NUBPL: variants seen among roughly 807,000 people sequenced by gnomAD.
NUBPL encodes the protein NUBP iron-sulfur cluster assembly factor, mitochondrial, also known as iron-sulfur cluster transfer protein NUBPL.
Under a neutral mutation model 45.7 loss-of-function variants are expected in NUBPL, and 31 were observed. That is an observed-to-expected ratio of 0.68 (90% CI 0.51 to 0.92). NUBPL has a LOEUF of 0.92. Ranked by LOEUF, NUBPL falls within the 40% of genes least tolerant of loss-of-function variation. The probability of loss-of-function intolerance (pLI) is 0.00; values close to 1 mark genes in which losing one functional copy is unlikely to be tolerated. For synonymous variants in NUBPL, 144 were observed against 140.9 expected (o/e 1.02, Z -0.15); for missense variants, 401 against 398.7 (o/e 1.01, Z -0.05).
chr14:31,857,104 C>G (rs2040634413), intron 10 of NUBPL, among the ~76,000 whole-genome samples: 1 of 152,204 alleles, frequency 6.6e-6, no homozygotes. Flanking sequence ...TTCCATACAT[C>G]TGAAATCTAG....
At chr14:31,790,377 G>T (rs1447593164) in intron 7 of NUBPL, among the ~76,000 whole-genome samples, 2 of 152,156 alleles carry the variant, frequency 1.3e-5, no homozygotes, top group Non-Finnish European at 2.9e-5. Context: ...TGAAGAGTCT[G>T]CCATGTAATA....
chr14:31,654,698 T>C (rs114543044), intron 4 of NUBPL, among the ~76,000 whole-genome samples: 5,259 of 152,242 alleles, frequency 0.035, 291 homozygotes, highest in African/African-American at 0.12. Context: ...TGTGAGCCAC[T>C]GTGCCTGCCC....
intron 6 of NUBPL, among the ~76,000 whole-genome samples, chr14:31,726,113 A>T (rs2037918589): frequency 6.6e-6 from 1 of 152,236 alleles, no homozygotes; most frequent in Non-Finnish European, 1.5e-5. Context: ...ATAAAAATAA[A>T]TATTGCAAGT....
chr14:31,854,573 A>G (rs2040588479), intron 10 of NUBPL, among the ~76,000 whole-genome samples: 1 of 152,214 alleles, frequency 6.6e-6, no homozygotes, highest in African/African-American at 2.4e-5. Flanking sequence ...TGTACCAACA[A>G]TTCACATGCC....
At chr14:31,843,801 A>G (rs1176536835) in intron 8 of NUBPL, 1 of 152,180 alleles carries the variant, frequency 6.6e-6, no homozygotes, top group Non-Finnish European at 1.5e-5. Flanking sequence ...CCCAGAGTAC[A>G]TCAAGTCCTC....
chr14:31,676,958 C>CT (rs2036714233), intron 6 of NUBPL, among the ~76,000 whole-genome samples: 2 of 151,644 alleles, frequency 1.3e-5, no homozygotes, highest in Admixed American at 6.6e-5. Flanking sequence ...TTTGTATCCT[C>CT]TTTAAGAAAT....
At chr14:31,726,489 A>G (rs1175891195) in intron 6 of NUBPL, among the ~76,000 whole-genome samples, 4 of 152,240 alleles carry the variant, frequency 2.6e-5, no homozygotes, top group Non-Finnish European at 5.9e-5. Context: ...ATGTTGCTAT[A>G]TCATTTTTCT....
chr14:31,636,444 C>G (rs1040181006), intron 4 of NUBPL, among the ~76,000 whole-genome samples: 1 of 152,014 alleles, frequency 6.6e-6, no homozygotes, highest in African/African-American at 2.4e-5. Context: ...ATGAAGCCCA[C>G]TTGATCGTGG....
chr14:31,693,925 G>C (rs1021961159), intron 6 of NUBPL, among the ~76,000 whole-genome samples: 2 of 146,230 alleles, frequency 1.4e-5, no homozygotes, highest in Non-Finnish European at 1.5e-5. Context: ...GCGTGATCTG[G>C]GCTCACTGTA....
chr14:31,613,673 G>A (rs535427868), intron 4 of NUBPL, among the ~76,000 whole-genome samples: 6 of 152,016 alleles, frequency 3.9e-5, no homozygotes, highest in African/African-American at 1.5e-4. Context: ...GGCCAGGCTG[G>A]TCTTGAACTC....
At chr14:31,616,344 C>A (rs2034899079) in intron 4 of NUBPL, among the ~76,000 whole-genome samples, 1 of 152,028 alleles carries the variant, frequency 6.6e-6, no homozygotes, top group Non-Finnish European at 1.5e-5. Context: ...AAGTCTTTGC[C>A]CATGCCTATG....
intron 6 of NUBPL, among the ~76,000 whole-genome samples, chr14:31,746,279 A>T (rs943934213): frequency 1.3e-5 from 2 of 151,994 alleles, no homozygotes; most frequent in African/African-American, 2.4e-5. Flanking sequence ...TTCCTAGAGG[A>T]AAAGATTTCA....
intron 10 of NUBPL, among the ~76,000 whole-genome samples, chr14:31,858,254 C>G (rs2040656760): frequency 6.6e-6 from 1 of 152,150 alleles, no homozygotes; most frequent in African/African-American, 2.4e-5. Flanking sequence ...TTAATCACCT[C>G]CTACTGGGTT....
chr14:31,678,424 C>T (rs978931737), intron 6 of NUBPL, among the ~76,000 whole-genome samples: 1 of 152,218 alleles, frequency 6.6e-6, no homozygotes, highest in Non-Finnish European at 1.5e-5. Context: ...CAGCACATCT[C>T]AGAGTCTCAC....
At chr14:31,722,159 G>C (rs2037824279) in intron 6 of NUBPL, among the ~76,000 whole-genome samples, 1 of 152,058 alleles carries the variant, frequency 6.6e-6, no homozygotes, top group African/African-American at 2.4e-5. Context: ...ACCATGCCCA[G>C]CTAATATTTT....
intron 6 of NUBPL, among the ~76,000 whole-genome samples, chr14:31,689,399 A>G (rs2037041436): frequency 6.6e-6 from 1 of 152,046 alleles, no homozygotes; most frequent in African/African-American, 2.4e-5. Flanking sequence ...TGTGGTTTTG[A>G]TTTGCATTTC....
At chr14:31,725,489 G>C (rs1310943043) in intron 6 of NUBPL, among the ~76,000 whole-genome samples, 1 of 152,046 alleles carries the variant, frequency 6.6e-6, no homozygotes, top group Non-Finnish European at 1.5e-5. Context: ...CCTTGAGGAT[G>C]GGATCCAAGT....
intron 4 of NUBPL, among the ~76,000 whole-genome samples, chr14:31,664,248 G>A (rs576446931): frequency 2.0e-5 from 3 of 151,946 alleles, no homozygotes; most frequent in Non-Finnish European, 4.4e-5. Context: ...CTTGATTGCC[G>A]TGGCCAGAAC....
At chr14:31,622,463 A>G (rs1287664768) in intron 4 of NUBPL, among the ~76,000 whole-genome samples, 2 of 151,804 alleles carry the variant, frequency 1.3e-5, no homozygotes, top group Non-Finnish European at 2.9e-5. Context: ...GAATTTCTCC[A>G]GAGAATTTCA....
Sources: gnomAD v4.1 joint callset for allele counts (sites outside exome capture counted in the v4.1 genomes callset) on GRCh38, gnomAD v4.1.1 for gene constraint, MANE v1.5 for transcripts, NCBI Gene and HGNC (gene_info 2026-07-23, HGNC 2026-07-21) for gene names.